DDX4: variants seen among roughly 807,000 people sequenced by gnomAD.
DDX4 encodes the protein DEAD-box helicase 4, also known as probable ATP-dependent RNA helicase DDX4.
DDX4 carries 25 observed loss-of-function variants against 100.0 expected under a neutral mutation model. The observed-to-expected ratio is 0.25, with a 90% CI of 0.18 to 0.35. The LOEUF (loss-of-function observed/expected upper bound fraction) is 0.35, where lower values mean the gene tolerates loss of function less well. Among genes scored for constraint, DDX4 ranks in the 10% least tolerant of loss-of-function variants. The pLI, the probability that DDX4 is intolerant of heterozygous loss-of-function variation, is 1.00. For missense variants in DDX4, 635 were observed against 882.4 expected (o/e 0.72, Z 3.55); for synonymous variants, 259 against 275.7 (o/e 0.94, Z 0.60).
chr5:55,748,528 A>G (rs1759367202), intron 3 of DDX4, among the ~76,000 whole-genome samples: 1 of 152,126 alleles, frequency 6.6e-6, no homozygotes, highest in South Asian at 2.1e-4. Context: ...AGACCTATGA[A>G]TGTTTAGGCT....
rs907932852 is a variant in DDX4, at chr5:55,780,043, A to T, written c.474A>T (p.Gly158=). The T allele has an allele frequency of 1.1e-5, 18 of 1,614,026 alleles. No homozygotes were observed. The highest frequency in any genetic ancestry group is 1.4e-5 in the Non-Finnish European group (16 of 1,179,972). Reference sequence around the variant, plus strand: ...GAGGTAGTTTCCGAGGTTGCCGTGGAGGATTTGGTCTAGGAAGTCCAAGTT... The same window carrying T: ...GAGGTAGTTTCCGAGGTTGCCGTGGTGGATTTGGTCTAGGAAGTCCAAGTT... The part of the protein sequence containing the change: ...GGRGSFRGCR[G]GFGLGSPNND... The change falls in exon 8 of 22, where the codon GGA becomes GGT. Residue 158 remains glycine (G), a synonymous_variant. Transcript: ENST00000505374.
At chr5:55,759,110 C>T (rs1333736256) in intron 3 of DDX4, among the ~76,000 whole-genome samples, 1 of 151,830 alleles carries the variant, frequency 6.6e-6, no homozygotes, top group East Asian at 1.9e-4. Flanking sequence ...AGGCTGGTCT[C>T]AAATTTCTGA....
chr5:55,795,762 A>G (rs1742894128), intron 17 of DDX4, among the ~76,000 whole-genome samples: 1 of 152,142 alleles, frequency 6.6e-6, no homozygotes, highest in South Asian at 2.1e-4. Flanking sequence ...GCAACAGACT[A>G]AGACCCTGTC....
chr5:55,772,923 C>T (rs983705692), intron 7 of DDX4, among the ~76,000 whole-genome samples: 1 of 152,130 alleles, frequency 6.6e-6, no homozygotes, highest in Non-Finnish European at 1.5e-5. Flanking sequence ...AATGAAAAAC[C>T]TCAAGATTGC....
intron 18 of DDX4, among the ~76,000 whole-genome samples, chr5:55,801,712 C>T (rs1743323625): frequency 6.6e-6 from 1 of 152,036 alleles, no homozygotes. Flanking sequence ...AAATGGGCCT[C>T]CTTAAGTTTG....
Position 55,806,036 on chromosome 5 carries a change from T to TA in DDX4, c.1615+7465_1615+7466insA, listed in dbSNP as rs200600740. ...TCGTCTATTCAGAGATTCAACTTCTTCCTGATTTAGTTTTGGGAGGGTGTA... is the reference window on the plus strand; with the variant it reads ...TCGTCTATTCAGAGATTCAACTTCTTACCTGATTTAGTTTTGGGAGGGTGTA... On this transcript the variant is annotated intron_variant, in intron 18 of 21. Transcript: ENST00000505374. 2.6e-4 allele frequency among the ~76,000 whole-genome samples: 40 copies of TA among 152,338 alleles called. No individual in the cohort carries two copies. The East Asian group carries it at 7.7e-3, about 29-fold the overall frequency.
intron 7 of DDX4, among the ~76,000 whole-genome samples, chr5:55,778,879 G>A (rs1741732750): frequency 9.1e-6 from 1 of 110,388 alleles, no homozygotes; most frequent in African/African-American, 3.6e-5. Context: ...GGGTGACAGA[G>A]TGAGACTTCG....
At chr5:55,752,041 C>T (rs1223937553) in intron 3 of DDX4, among the ~76,000 whole-genome samples, 3 of 152,078 alleles carry the variant, frequency 2.0e-5, no homozygotes, top group Non-Finnish European at 2.9e-5. Context: ...GAATCTTTGA[C>T]GCTAAAGTTT....
rs991623811 is a variant in DDX4, at chr5:55,740,491, G to A, written c.69+1459G>A. ...CAAACATGTTTTATATAGTTTTGAT[G>A]ATAGTATATAACAGTAATTTTTTTT... is the stretch of plus-strand genomic sequence containing the variant. On this transcript the variant is annotated intron_variant, in intron 2 of 21. Transcript: ENST00000505374. Among the ~76,000 whole-genome samples the A allele has an allele frequency of 2.0e-3, 304 of 149,446 alleles. 3 individuals are homozygous for A. The highest frequency in any genetic ancestry group is 6.4e-4 in the Non-Finnish European group (43 of 67,412).
chr5:55,799,033 A>T (rs1743138043), intron 18 of DDX4, among the ~76,000 whole-genome samples: 1 of 152,014 alleles, frequency 6.6e-6, no homozygotes, highest in Non-Finnish European at 1.5e-5. Flanking sequence ...TATCTGTGGG[A>T]ATTTTTTTTT....
intron 15 of DDX4, 112 bp downstream of exon 15, chr5:55,788,112 T>C: frequency 1.1e-6 from 1 of 905,030 alleles, no homozygotes; most frequent in Non-Finnish European, 1.6e-6. Context: ...TAGCATTACT[T>C]AAAGTATTTT....
intron 3 of DDX4, among the ~76,000 whole-genome samples, chr5:55,758,501 C>T (rs529438199): frequency 4.0e-4 from 61 of 152,154 alleles, no homozygotes; most frequent in Non-Finnish European, 7.6e-4. Flanking sequence ...GTAGAACTCA[C>T]CTGTAAAACC....
intron 12 of DDX4, 55 bp from the exon 13 acceptor site, chr5:55,785,674 T>C (rs1331308862): frequency 6.7e-7 from 1 of 1,498,730 alleles, no homozygotes; most frequent in East Asian, 2.3e-5. Context: ...TATTTTCTCT[T>C]ATATTTTCTT....
chr5:55,768,962 G>A (rs549701706), intron 7 of DDX4, among the ~76,000 whole-genome samples: 1 of 152,008 alleles, frequency 6.6e-6, no homozygotes, highest in African/African-American at 2.4e-5. Flanking sequence ...ACTTTTTAAC[G>A]GAGTTGTTTG....
At chr5:55,798,353 C>A in intron 17 of DDX4, 73 bp from the exon 18 acceptor site, 2 of 1,493,768 alleles carry the variant, frequency 1.3e-6, no homozygotes, top group Non-Finnish European at 9.1e-7. Flanking sequence ...ATAACACCTA[C>A]AGGAATTCAG....
intron 1 of DDX4, among the ~76,000 whole-genome samples, 183 bp from the exon 2 acceptor site, chr5:55,738,767 A>G (rs946972612): frequency 6.6e-6 from 1 of 152,196 alleles, no homozygotes; most frequent in Admixed American, 6.5e-5. Context: ...CTAAGAAAGG[A>G]TGGAGATAAA....
At chr5:55,763,534 G>C (rs540656963) in intron 5 of DDX4, among the ~76,000 whole-genome samples, 2 of 152,180 alleles carry the variant, frequency 1.3e-5, no homozygotes, top group African/African-American at 4.8e-5. Flanking sequence ...AAATAAGTTT[G>C]AAAGCAAAAC....
At chr5:55,775,935 A>G (rs1741534515) in intron 7 of DDX4, among the ~76,000 whole-genome samples, 1 of 152,150 alleles carries the variant, frequency 6.6e-6, no homozygotes, top group South Asian at 2.1e-4. Context: ...AACCTGGCCA[A>G]CATGTTAAAA....
At chr5:55,801,450 T>C (rs1743299706) in intron 18 of DDX4, among the ~76,000 whole-genome samples, 1 of 152,188 alleles carries the variant, frequency 6.6e-6, no homozygotes, top group Admixed American at 6.5e-5. Flanking sequence ...GAAAACTTTA[T>C]TTGCATTTTT....
Sources: allele counts gnomAD v4.1 joint callset (sites outside exome capture counted in the v4.1 genomes callset), GRCh38; gene constraint gnomAD v4.1.1; transcripts MANE v1.5; gene names NCBI Gene and HGNC (gene_info 2026-07-23, HGNC 2026-07-21).